Variants in ABLIM1 observed in about 807,000 individuals in gnomAD.
ABLIM1 encodes the protein actin-binding LIM protein 1.
Under a neutral mutation model 107.0 loss-of-function variants are expected in ABLIM1, and 40 were observed. That is an observed-to-expected ratio of 0.37 (90% CI 0.29 to 0.49). ABLIM1 has a LOEUF of 0.49. Ranked by LOEUF, ABLIM1 falls within the 20% of genes least tolerant of loss-of-function variation. The probability of loss-of-function intolerance (pLI) is 0.97; values close to 1 mark genes in which losing one functional copy is unlikely to be tolerated. For missense variants in ABLIM1, 857 were observed against 1,008.5 expected, an observed-to-expected ratio of 0.85 and a Z score of 2.04; for synonymous variants, 357 against 357.3, an observed-to-expected ratio of 1.00 and a Z score of 0.01.
At chr10:114,675,045 T>C (rs2080420797) in intron 1 of ABLIM1, among the ~76,000 whole-genome samples, 1 of 152,124 alleles carries the variant, frequency 6.6e-6, no homozygotes, top group African/African-American at 2.4e-5. Flanking sequence ...TATAACCAAA[T>C]GCTCCCTATG....
At chr10:114,559,478 AGAAAAAAG>A (rs2069336004) in intron 4 of ABLIM1, among the ~76,000 whole-genome samples, 4 of 151,372 alleles carry the variant, frequency 2.6e-5, no homozygotes, top group African/African-American at 9.7e-5. Context: ...AAAGAAAAAA[AGAAAAAAG>A]AAAAAGATAC....
intron 1 of ABLIM1, among the ~76,000 whole-genome samples, chr10:114,639,977 C>A (rs2078665043): frequency 6.6e-6 from 1 of 152,140 alleles, no homozygotes; most frequent in South Asian, 2.1e-4. Context: ...CCACTCAAAC[C>A]AGGATGCTTG....
intron 15 of ABLIM1, 117 bp from the exon 16 acceptor site, chr10:114,445,520 C>G (rs1175552954): frequency 3.6e-6 from 3 of 825,470 alleles, no homozygotes; most frequent in African/African-American, 3.4e-5. Flanking sequence ...GTCTTTAACA[C>G]TTTTAAGTAA....
intron 1 of ABLIM1, among the ~76,000 whole-genome samples, chr10:114,737,923 T>C (rs1317806753): frequency 6.6e-6 from 1 of 152,170 alleles, no homozygotes; most frequent in Non-Finnish European, 1.5e-5. Flanking sequence ...TATATGGATG[T>C]TCACTCTACT....
Position 114,707,870 on chromosome 10 carries a change from T to C in ABLIM1, c.-213+60191A>G, listed in dbSNP as rs1017916939. 8.6e-5 allele frequency among the ~76,000 whole-genome samples: 13 copies of C among 151,994 alleles called. No individual in the cohort carries two copies. The highest frequency in any genetic ancestry group is 1.9e-4 in the Non-Finnish European group (13 of 67,996). On this transcript the variant is annotated intron_variant, in intron 1 of 15. Coordinates refer to the ABLIM1 transcript ENST00000651092. This position sits in a 1 kb window ranked among gnomAD's most constrained non-coding sequence, Gnocchi z 4.1. ...GAGCGGAGATTGCACCATTGCACTC[T>C]AGCCTGGGCGACAAGAGCAAAACTC...
At chr10:114,686,870 T>G (rs1174634216), upstream of ABLIM1, among the ~76,000 whole-genome samples, 4 of 151,962 alleles carry the variant, frequency 2.6e-5, no homozygotes, top group Non-Finnish European at 5.9e-5. Context: ...CAAATAATCC[T>G]CTCGCCTCAG....
Position 114,601,903 on chromosome 10 carries a change from T to C in ABLIM1, c.303A>G (p.Lys101=), listed in dbSNP as rs2076040085. 5 of 1,614,002 alleles carry C rather than the reference T, an allele frequency of 3.1e-6. No individual in the cohort carries two copies. The highest frequency in any genetic ancestry group is 3.3e-4 in the Middle Eastern group (2 of 6,082). The change falls in exon 2 of 23, where the codon AAA becomes AAG. Residue 101 remains lysine, a synonymous_variant. Transcript: ENST00000533213. ...PSEKPVIHCH[K]CGEPCKGEVL... ...CTTCACCCTTGCAAGGCTCCCCACATTTATGGCAGTGAATGACAGGCTTCT... is the reference window on the plus strand; with the variant it reads ...CTTCACCCTTGCAAGGCTCCCCACACTTATGGCAGTGAATGACAGGCTTCT...
intron 1 of ABLIM1, among the ~76,000 whole-genome samples, chr10:114,623,641 T>C (rs1233875629): frequency 2.0e-5 from 3 of 152,224 alleles, no homozygotes; most frequent in African/African-American, 7.2e-5. Flanking sequence ...ATCAACATTA[T>C]CTGGGAAGTG....
chr10:114,795,701 C>T, the ABLIM1 span, among the ~76,000 whole-genome samples: 1 of 145,346 alleles, frequency 6.9e-6, no homozygotes. Context: ...AAGAGCGAGA[C>T]TCCATCTCAA....
intron 6 of ABLIM1, among the ~76,000 whole-genome samples, chr10:114,525,356 T>A (rs2064517523): frequency 6.6e-6 from 1 of 152,244 alleles, no homozygotes; most frequent in South Asian, 2.1e-4. Flanking sequence ...TGCAGGCTTC[T>A]GTTGTCAGGA....
intron 6 of ABLIM1, among the ~76,000 whole-genome samples, chr10:114,495,183 T>C (rs1450282341): frequency 6.6e-6 from 1 of 152,182 alleles, no homozygotes; most frequent in African/African-American, 2.4e-5. Context: ...TTTGCAGCTA[T>C]ATCATCTCAA....
intron 1 of ABLIM1, among the ~76,000 whole-genome samples, chr10:114,679,205 CAT>C (rs1234323294): frequency 6.6e-6 from 1 of 152,172 alleles, no homozygotes; most frequent in Non-Finnish European, 1.5e-5. Flanking sequence ...TGACACCAAC[CAT>C]ATGTCTCATC....
At chr10:114,614,267 C>T (rs1159725708) in intron 1 of ABLIM1, among the ~76,000 whole-genome samples, 2 of 151,926 alleles carry the variant, frequency 1.3e-5, no homozygotes, top group African/African-American at 4.8e-5. Flanking sequence ...ACCTGGCCAA[C>T]ATGGCGAAAC....
chr10:114,571,914 A>T (rs1319919167), intron 3 of ABLIM1, among the ~76,000 whole-genome samples: 4 of 152,198 alleles, frequency 2.6e-5, no homozygotes, highest in Non-Finnish European at 5.9e-5. Context: ...ACATGGGTGA[A>T]CGGAACGTTT....
intron 17 of ABLIM1, among the ~76,000 whole-genome samples, chr10:114,442,436 C>G: frequency 6.6e-6 from 1 of 152,314 alleles, no homozygotes; most frequent in Admixed American, 6.5e-5. Context: ...CTCTGTATCT[C>G]CGGACATGGT....
intron 1 of ABLIM1, among the ~76,000 whole-genome samples, chr10:114,623,547 A>G (rs1352723537): frequency 6.6e-6 from 1 of 152,166 alleles, no homozygotes; most frequent in Non-Finnish European, 1.5e-5. Flanking sequence ...ATTTTGACTT[A>G]CCCACCTGTA....
chr10:114,666,847 T>G (rs1291118684), intron 1 of ABLIM1, among the ~76,000 whole-genome samples: 1 of 152,210 alleles, frequency 6.6e-6, no homozygotes, highest in Non-Finnish European at 1.5e-5. Flanking sequence ...GGCATATATA[T>G]AAAGTAAATT....
At position 114,608,467 on chromosome 10, in the gene ABLIM1, C is replaced by T. The variant is rs575063064; in HGVS notation, c.245-6506G>A. On this transcript the variant is annotated intron_variant, in intron 1 of 22. Transcript: ENST00000533213. Reference sequence around the variant, plus strand: ...GGCGGATCACCTGAGGTTGGGAGTTCGTGATCAGCCTGACCAACATAGAGA... The same window carrying T: ...GGCGGATCACCTGAGGTTGGGAGTTTGTGATCAGCCTGACCAACATAGAGA... 1.4e-3 allele frequency among the ~76,000 whole-genome samples: 210 copies of T among 152,120 alleles called. 2 individuals carry two copies. In the South Asian group the frequency reaches 0.035, roughly 26 times the overall value.
At chr10:114,613,763 A>C in intron 1 of ABLIM1, 2 of 1,301,644 alleles carry the variant, frequency 1.5e-6, no homozygotes, top group Non-Finnish European at 2.0e-6. Context: ...TACACATTCT[A>C]GAACTACTCT....
Sources: allele counts gnomAD v4.1 joint callset (sites outside exome capture counted in the v4.1 genomes callset), GRCh38; gene constraint gnomAD v4.1.1; non-coding constraint Gnocchi (gnomAD v3.1); transcripts MANE v1.5; gene names NCBI Gene and HGNC (gene_info 2026-07-23, HGNC 2026-07-21).